Variants in GRIP1 observed in about 807,000 individuals in gnomAD.
GRIP1 encodes the protein glutamate receptor-interacting protein 1.
GRIP1 carries 45 observed loss-of-function variants against 129.9 expected under a neutral mutation model. The observed-to-expected ratio is 0.35, with a 90% CI of 0.27 to 0.44. The LOEUF (loss-of-function observed/expected upper bound fraction) is 0.44, where lower values mean the gene tolerates loss of function less well. Among genes scored for constraint, GRIP1 ranks in the 20% least tolerant of loss-of-function variants. The pLI, the probability that GRIP1 is intolerant of heterozygous loss-of-function variation, is 1.00. For missense variants in GRIP1, 1,196 were observed against 1,396.8 expected, an observed-to-expected ratio of 0.86 and a Z score of 2.29; for synonymous variants, 530 against 520.8, an observed-to-expected ratio of 1.02 and a Z score of -0.24.
chr12:66,406,505 T>C (rs1344555106), intron 15 of GRIP1, 77 bp from the exon 16 acceptor site: 38 of 1,346,568 alleles, frequency 2.8e-5, no homozygotes, highest in Non-Finnish European at 4.0e-5. Context: ...TTAAGCATAA[T>C]GCAGCATTAT....
At chr12:66,582,666 A>G (rs1055559428) in intron 2 of GRIP1, among the ~76,000 whole-genome samples, 2 of 139,914 alleles carry the variant, frequency 1.4e-5, no homozygotes, top group Non-Finnish European at 3.2e-5. Context: ...ATTGCTTCAA[A>G]GAGAGTAAAA....
intron 5 of GRIP1, among the ~76,000 whole-genome samples, chr12:66,520,979 T>C (rs17102627): frequency 6.6e-6 from 1 of 152,344 alleles, no homozygotes; most frequent in East Asian, 1.9e-4. Context: ...CTTTTCACTA[T>C]ATTCATCTAG....
intron 23 of GRIP1, among the ~76,000 whole-genome samples, chr12:66,365,977 G>A (rs1450963899): frequency 1.3e-5 from 2 of 152,234 alleles, no homozygotes; most frequent in African/African-American, 4.8e-5. Context: ...CATGGCTAAT[G>A]CATGGCAAGC....
At chr12:66,845,120 C>T (rs1234259393) in intron 1 of GRIP1, among the ~76,000 whole-genome samples, 1 of 151,996 alleles carries the variant, frequency 6.6e-6, no homozygotes, top group Non-Finnish European at 1.5e-5. Context: ...ATGTATTTTA[C>T]AATTAAAAAT....
At chr12:66,883,178 C>T (rs1385977174) in intron 1 of GRIP1, among the ~76,000 whole-genome samples, 1 of 152,128 alleles carries the variant, frequency 6.6e-6, no homozygotes, top group African/African-American at 2.4e-5. Context: ...CATGAAAACC[C>T]ATAATGCCAC....
At chr12:66,667,525 A>G (rs1044327447) in intron 1 of GRIP1, among the ~76,000 whole-genome samples, 4 of 152,226 alleles carry the variant, frequency 2.6e-5, no homozygotes, top group Non-Finnish European at 4.4e-5. Context: ...AGGTTGCCTA[A>G]TACAAGTAGC....
At chr12:66,543,318 T>G (rs893246368) in intron 2 of GRIP1, among the ~76,000 whole-genome samples, 13 of 151,978 alleles carry the variant, frequency 8.6e-5, no homozygotes, top group Non-Finnish European at 1.8e-4. Flanking sequence ...TGACACTGTA[T>G]ACATAAGTCA....
chr12:66,784,390 T>A (rs1411966636), intron 1 of GRIP1, among the ~76,000 whole-genome samples: 1 of 152,222 alleles, frequency 6.6e-6, no homozygotes, highest in East Asian at 1.9e-4. Context: ...ATTTCATTTT[T>A]ATAACCTCAC....
intron 1 of GRIP1, among the ~76,000 whole-genome samples, chr12:66,977,342 T>G (rs1008737861): frequency 6.6e-6 from 1 of 152,154 alleles, no homozygotes; most frequent in Non-Finnish European, 1.5e-5. Flanking sequence ...ACTATAAATT[T>G]ACATTTCTTT....
chr12:66,577,483 G>A (rs2063180706), intron 2 of GRIP1, among the ~76,000 whole-genome samples: 1 of 152,174 alleles, frequency 6.6e-6, no homozygotes, highest in African/African-American at 2.4e-5. Flanking sequence ...ATCAGTAAGA[G>A]CACTCCGAGT....
chr12:66,659,272 A>G (rs1265019923), intron 1 of GRIP1, among the ~76,000 whole-genome samples: 1 of 152,128 alleles, frequency 6.6e-6, no homozygotes, highest in Non-Finnish European at 1.5e-5. Flanking sequence ...GTGTGCATTT[A>G]TTTGAATATT....
intron 1 of GRIP1, among the ~76,000 whole-genome samples, chr12:66,810,826 T>C (rs1458011768): frequency 6.6e-6 from 1 of 152,172 alleles, no homozygotes; most frequent in African/African-American, 2.4e-5. Flanking sequence ...TACTTATTTG[T>C]GTTGTTTATT....
chr12:66,666,271 A>C (rs185085268), intron 1 of GRIP1, among the ~76,000 whole-genome samples: 3 of 152,228 alleles, frequency 2.0e-5, no homozygotes, highest in Admixed American at 1.3e-4. Context: ...AAAGCAGGAG[A>C]TGCATTCTAT....
chr12:66,936,419 C>T (rs1459038335), intron 1 of GRIP1, among the ~76,000 whole-genome samples: 3 of 134,900 alleles, frequency 2.2e-5, no homozygotes, highest in Admixed American at 7.5e-5. Context: ...GAGCAAGACC[C>T]TGTCTCCAAA....
At chr12:66,527,953 C>A (rs1396700395) in intron 5 of GRIP1, among the ~76,000 whole-genome samples, 1 of 151,824 alleles carries the variant, frequency 6.6e-6, no homozygotes, top group Non-Finnish European at 1.5e-5. Flanking sequence ...TGAACATGTA[C>A]CCCTTGAACC....
intron 15 of GRIP1, among the ~76,000 whole-genome samples, chr12:66,410,249 CAAAAAAAA>C (rs1177155122): frequency 8.4e-5 from 4 of 47,430 alleles, no homozygotes; most frequent in Admixed American, 3.7e-4. Flanking sequence ...GACTCCGTCT[CAAAAAAAA>C]AAAAAAAAAA....
At chr12:66,962,070 C>CAT (rs2041929520) in intron 1 of GRIP1, among the ~76,000 whole-genome samples, 1 of 152,012 alleles carries the variant, frequency 6.6e-6, no homozygotes, top group African/African-American at 2.4e-5. Context: ...ACTCAAATAG[C>CAT]ATATATATAT....
At chr12:66,637,944 G>C (rs1183827892) in intron 1 of GRIP1, among the ~76,000 whole-genome samples, 1 of 152,178 alleles carries the variant, frequency 6.6e-6, no homozygotes, top group Non-Finnish European at 1.5e-5. Flanking sequence ...AATTTTACTG[G>C]AAGTGCTACA....
At chr12:66,474,360 C>T (rs1266288999) in intron 7 of GRIP1, among the ~76,000 whole-genome samples, 1 of 152,064 alleles carries the variant, frequency 6.6e-6, no homozygotes. Context: ...GATTGGTGTA[C>T]CTGAAAGTGA....
Sources: allele counts gnomAD v4.1 joint callset (sites outside exome capture counted in the v4.1 genomes callset), GRCh38; gene constraint gnomAD v4.1.1; transcripts MANE v1.5; gene names NCBI Gene and HGNC (gene_info 2026-07-23, HGNC 2026-07-21).